CDC14B: variants seen among roughly 807,000 people sequenced by gnomAD.
CDC14B encodes cell division cycle 14B, also known as dual specificity protein phosphatase CDC14B.
Under a neutral mutation model 64.2 loss-of-function variants are expected in CDC14B, and 22 were observed. That is an observed-to-expected ratio of 0.34 (90% CI 0.24 to 0.49). CDC14B has a LOEUF of 0.49. Among genes scored for constraint, CDC14B ranks in the 20% least tolerant of loss-of-function variants. CDC14B has a pLI of 0.99. For missense variants in CDC14B, 498 were observed against 629.9 expected (o/e 0.79, Z 2.24); for synonymous variants, 191 against 215.8 (o/e 0.89, Z 1.01).
chr9:96,599,381 A>T (rs1264021550), intron 1 of CDC14B, among the ~76,000 whole-genome samples: 2 of 128,810 alleles, frequency 1.6e-5, no homozygotes, highest in Admixed American at 7.3e-5. Context: ...AACTCCGTTT[A>T]AAAAAAAAAA....
At chr9:96,591,713 G>C (rs1043845684) in intron 1 of CDC14B, among the ~76,000 whole-genome samples, 1 of 152,010 alleles carries the variant, frequency 6.6e-6, no homozygotes, top group Admixed American at 6.6e-5. Context: ...CGATTCACAA[G>C]CAACAAGATG....
chr9:96,534,731 G>A (rs560669945), intron 7 of CDC14B, among the ~76,000 whole-genome samples, 189 bp from the exon 8 acceptor site: 121 of 152,318 alleles, frequency 7.9e-4, no homozygotes, highest in African/African-American at 2.7e-3. Context: ...CGTATATCCT[G>A]TTCCTAATCA....
intron 1 of CDC14B, among the ~76,000 whole-genome samples, chr9:96,579,517 C>T (rs1318552444): frequency 5.3e-5 from 8 of 150,654 alleles, no homozygotes; most frequent in African/African-American, 1.7e-4. Flanking sequence ...ACCCGGGAGG[C>T]GGAGCTTGCA....
chr9:96,560,247 G>A (rs1020311470), intron 4 of CDC14B, among the ~76,000 whole-genome samples: 2 of 152,046 alleles, frequency 1.3e-5, no homozygotes, highest in African/African-American at 4.8e-5. Flanking sequence ...TGGCCCCTCT[G>A]CTTTGGAGTT....
chr9:96,503,999 G>A (rs1833789301), intron 13 of CDC14B, among the ~76,000 whole-genome samples: 1 of 152,016 alleles, frequency 6.6e-6, no homozygotes, highest in Non-Finnish European at 1.5e-5. Context: ...GGCAGAAAAA[G>A]GCTCAGTTCT....
At chr9:96,527,378 G>A (rs1353687503) in intron 9 of CDC14B, among the ~76,000 whole-genome samples, 5 of 152,202 alleles carry the variant, frequency 3.3e-5, no homozygotes, top group African/African-American at 4.8e-5. Flanking sequence ...CAGCCTAGGC[G>A]ACAGAGCAAG....
chr9:96,538,188 A>G (rs186578394), intron 7 of CDC14B, among the ~76,000 whole-genome samples: 240 of 152,356 alleles, frequency 1.6e-3, no homozygotes, highest in Admixed American at 4.6e-3. Flanking sequence ...TTTTAAAAGC[A>G]TCTCAATCAC....
intron 3 of CDC14B, 26 bp downstream of exon 3, chr9:96,564,751 C>T (rs746931622): frequency 2.1e-6 from 3 of 1,413,962 alleles, no homozygotes; most frequent in African/African-American, 1.4e-5. Context: ...ACAATGATTA[C>T]TTAAGTCAAA....
intron 1 of CDC14B, chr9:96,618,681 G>A (rs1847792325): frequency 4.1e-6 from 2 of 488,730 alleles, no homozygotes; most frequent in African/African-American, 2.0e-5. Context: ...AGGGGCTCGG[G>A]CTTACGCGCC....
intron 1 of CDC14B, among the ~76,000 whole-genome samples, chr9:96,573,723 ATGC>A (rs1412129871): frequency 2.0e-5 from 3 of 152,218 alleles, no homozygotes; most frequent in Non-Finnish European, 4.4e-5. Flanking sequence ...TGTAAATTGC[ATGC>A]TGATGTATGA....
At chr9:96,541,126 G>A (rs1191027895) in intron 6 of CDC14B, among the ~76,000 whole-genome samples, 6 of 152,192 alleles carry the variant, frequency 3.9e-5, no homozygotes. Flanking sequence ...TGATCCATGG[G>A]CTACTGATTT....
At chr9:96,574,039 C>A (rs1186210786) in intron 1 of CDC14B, among the ~76,000 whole-genome samples, 1 of 151,592 alleles carries the variant, frequency 6.6e-6, no homozygotes, top group Non-Finnish European at 1.5e-5. Context: ...CCCAGCTACT[C>A]GGGAGGCTGA....
intron 5 of CDC14B, among the ~76,000 whole-genome samples, chr9:96,543,528 T>C (rs1840385875): frequency 6.6e-6 from 1 of 152,158 alleles, no homozygotes. Flanking sequence ...TTTGGGAAAG[T>C]GCTTATATTA....
At chr9:96,596,198 C>T (rs1411440486) in intron 1 of CDC14B, among the ~76,000 whole-genome samples, 1 of 151,776 alleles carries the variant, frequency 6.6e-6, no homozygotes, top group Non-Finnish European at 1.5e-5. Flanking sequence ...CCTGTCTCTA[C>T]TAAAAATATA....
At chr9:96,566,864 G>GC in intron 1 of CDC14B, 1 of 1,579,180 alleles carries the variant, frequency 6.3e-7, no homozygotes, top group Non-Finnish European at 8.6e-7. Flanking sequence ...ACTGCCAGCC[G>GC]CCGAGAGGGG....
downstream of CDC14B, chr9:96,496,500 T>C: frequency 2.5e-6 from 1 of 397,946 alleles, no homozygotes; most frequent in Middle Eastern, 3.8e-4. Flanking sequence ...CAAACTTGGG[T>C]TGGGGCCCAG....
At chr9:96,499,291 G>A (rs1334363790), downstream of CDC14B, among the ~76,000 whole-genome samples, 1 of 152,222 alleles carries the variant, frequency 6.6e-6, no homozygotes, top group African/African-American at 2.4e-5. Flanking sequence ...CTCCTTGGGG[G>A]AACTGGGTAG....
rs188869804 is a variant in CDC14B at position 96,503,220 on chromosome 9, T to C, written c.*533A>G. On this transcript the variant is annotated 3_prime_UTR_variant, in exon 14 of 14. Transcript: ENST00000375241. ...GGTGGAAGACAAGCAGCTTGGGTAC[T>C]TAACAGAGTTAACATTACAACAGTA... 11 of 254,064 alleles carry C rather than the reference T, an allele frequency of 4.3e-5. No homozygotes were observed. The highest frequency in any genetic ancestry group is 4.2e-4 in the East Asian group (6 of 14,234). 15.7% of individuals were successfully genotyped at this position (254,064 alleles called of 1,614,324 possible). A position where few individuals can be genotyped will look rare whatever the true frequency, so the allele number is the denominator to read the frequency against.
chr9:96,581,584 G>A (rs1207694667), intron 1 of CDC14B, among the ~76,000 whole-genome samples: 1 of 150,568 alleles, frequency 6.6e-6, no homozygotes, highest in African/African-American at 2.5e-5. Context: ...GGTTACCAAG[G>A]AGATGGCCAC....
Sources: gnomAD v4.1 joint callset for allele counts (sites outside exome capture counted in the v4.1 genomes callset) on GRCh38, gnomAD v4.1.1 for gene constraint, MANE v1.5 for transcripts, NCBI Gene and HGNC (gene_info 2026-07-23, HGNC 2026-07-21) for gene names.